The following NIBAN1 variants were observed in gnomAD, a reference collection of about 807,000 sequenced individuals.
NIBAN1 encodes the protein protein Niban 1.
A neutral mutation model predicts 75.1 loss-of-function variants in NIBAN1; 81 were observed. The observed-to-expected ratio is 1.08, with a 90% CI of 0.90 to 1.30. NIBAN1 has a LOEUF of 1.30. Ranked by LOEUF, NIBAN1 falls within the 50% of genes most tolerant of loss-of-function variation. The pLI is 0.00. For synonymous variants in NIBAN1, 436 were observed against 424.8 expected (o/e 1.03, Z -0.32); for missense variants, 1,133 against 1,128.1 (o/e 1.00, Z -0.06).
chr1:184,804,972 T>G (rs903681366), intron 11 of NIBAN1, among the ~76,000 whole-genome samples: 19 of 152,110 alleles, frequency 1.2e-4, no homozygotes, highest in African/African-American at 4.3e-4. Flanking sequence ...GTATTTTTAG[T>G]AGAGACGGGG....
intron 5 of NIBAN1, among the ~76,000 whole-genome samples, chr1:184,875,400 C>T (rs1024842707): frequency 3.9e-5 from 6 of 152,148 alleles, no homozygotes; most frequent in Non-Finnish European, 7.4e-5. Context: ...AAGCTGCAAT[C>T]GTTTGAAGGT....
At chr1:184,867,476 T>G (rs947874810) in intron 5 of NIBAN1, among the ~76,000 whole-genome samples, 1 of 152,158 alleles carries the variant, frequency 6.6e-6, no homozygotes, top group African/African-American at 2.4e-5. Flanking sequence ...TCTGATATCC[T>G]AAAGCCTGGA....
intron 1 of NIBAN1, among the ~76,000 whole-genome samples, chr1:184,930,302 G>T (rs2102030940): frequency 6.6e-6 from 1 of 152,318 alleles, no homozygotes; most frequent in Middle Eastern, 3.4e-3. Context: ...GTACACAGCT[G>T]AGAGAAATGT....
Position 184,871,798 on chromosome 1 carries a change from C to A in NIBAN1, c.601+12835G>T, listed in dbSNP as rs1656115922. Among the ~76,000 whole-genome samples the A allele has an allele frequency of 3.9e-5, 6 of 152,214 alleles. No individual in the cohort carries two copies. The South Asian group carries it at 1.2e-3, about 32-fold the overall frequency. On this transcript the variant is annotated intron_variant, in intron 5 of 13. Transcript: ENST00000367511. Reference sequence around the variant, plus strand: ...CCACCCACATACACACGGTCTTAGCCCATTCTAAGGAAAATTGTCTGTCTC... The same window carrying A: ...CCACCCACATACACACGGTCTTAGCACATTCTAAGGAAAATTGTCTGTCTC...
chr1:184,917,470 A>G (rs1207284506), intron 1 of NIBAN1, among the ~76,000 whole-genome samples: 6 of 150,034 alleles, frequency 4.0e-5, no homozygotes, highest in Non-Finnish European at 7.4e-5. Flanking sequence ...CGGCCTCCCA[A>G]AGTGCTGGGA....
chr1:184,912,356 C>A (rs1657263456), intron 1 of NIBAN1, among the ~76,000 whole-genome samples: 1 of 152,156 alleles, frequency 6.6e-6, no homozygotes, highest in Non-Finnish European at 1.5e-5. Flanking sequence ...ATACAAGTTT[C>A]TCTACTGCGT....
rs142266004 is a variant in NIBAN1, at chr1:184,820,547, G to T, written c.986-1722C>A. ...CAGCTTCCTGAGCTGGGGTCTGCAG[G>T]TGTTTCCTTATGGGCTGGATAAGTT... On this transcript the variant is annotated intron_variant, in intron 8 of 13. Coordinates refer to ENST00000367511, the MANE Select transcript of NIBAN1 (RefSeq NM_052966.4). 2.4e-4 allele frequency among the ~76,000 whole-genome samples: 37 copies of T among 152,332 alleles called. 1 individual carries two copies. The East Asian group carries it at 5.6e-3, about 23-fold the overall frequency.
chr1:184,887,231 G>T (rs866033481), intron 4 of NIBAN1, among the ~76,000 whole-genome samples: 24 of 152,262 alleles, frequency 1.6e-4, no homozygotes, highest in Middle Eastern at 3.4e-3. Context: ...TAACAGAGGA[G>T]AATGCACCAC....
intron 5 of NIBAN1, among the ~76,000 whole-genome samples, chr1:184,881,637 G>A (rs1023689802): frequency 5.9e-5 from 9 of 152,166 alleles, no homozygotes; most frequent in Non-Finnish European, 1.2e-4. Context: ...GCAGCCCAGA[G>A]GGCTGCTGGT....
At chr1:184,833,853 TTTC>T (rs1293735121) in intron 5 of NIBAN1, among the ~76,000 whole-genome samples, 9 of 151,558 alleles carry the variant, frequency 5.9e-5, no homozygotes, top group African/African-American at 9.7e-5. Context: ...TTGAAAATTT[TTTC>T]TTTTTTTTTT....
At chr1:184,966,370 C>T (rs1212470094) in intron 1 of NIBAN1, among the ~76,000 whole-genome samples, 1 of 152,176 alleles carries the variant, frequency 6.6e-6, no homozygotes, top group Non-Finnish European at 1.5e-5. Context: ...AGAAAGGCCA[C>T]CTGGAGAGAA....
intron 1 of NIBAN1, among the ~76,000 whole-genome samples, chr1:184,924,173 C>T (rs552838717): frequency 5.9e-5 from 9 of 151,826 alleles, no homozygotes; most frequent in African/African-American, 1.9e-4. Context: ...GAAAGGATTT[C>T]ATGTGGACCT....
intron 13 of NIBAN1, among the ~76,000 whole-genome samples, chr1:184,797,665 G>T (rs913614694): frequency 5.9e-5 from 9 of 152,088 alleles, no homozygotes; most frequent in African/African-American, 2.2e-4. Context: ...TTGGTGGGTG[G>T]GGGGCAGGGG....
chr1:184,941,289 T>C (rs1658081257), intron 1 of NIBAN1, among the ~76,000 whole-genome samples: 2 of 152,222 alleles, frequency 1.3e-5, no homozygotes. Context: ...TTTGACTTCC[T>C]CTTTTCCTAA....
intron 6 of NIBAN1, 125 bp from the exon 7 acceptor site, chr1:184,823,867 A>G: frequency 1.4e-6 from 1 of 706,920 alleles, no homozygotes; most frequent in Non-Finnish European, 2.4e-6. Context: ...TAGTAGGTTA[A>G]TAGTTTAACC....
At position 184,839,889 on chromosome 1, in the gene NIBAN1, G is replaced by T. The variant is rs892135318; in HGVS notation, c.602-7927C>A. ...TGGGATTATAGGTGTGAGCCACCGAGCCTGGCCTGTTCCATTTAATTTTAA... is the reference window on the plus strand; with the variant it reads ...TGGGATTATAGGTGTGAGCCACCGATCCTGGCCTGTTCCATTTAATTTTAA... On this transcript the variant is annotated intron_variant, in intron 5 of 13. Transcript: ENST00000367511. Among the ~76,000 whole-genome samples, 15 of 152,204 alleles carry T rather than the reference G, an allele frequency of 9.9e-5. 1 individual carries two copies. In the South Asian group the frequency reaches 2.1e-3, roughly 21 times the overall value.
chr1:184,893,992 T>C lies in NIBAN1; in HGVS notation c.318+83A>G, dbSNP rs555476521. ...TGCTGATTTTGTTAGTATAGCCTTG[T>C]AGGAAGGAGAGGGCACACCAATCAA... On this transcript the variant is annotated intron_variant, in intron 3 of 13. Coordinates refer to ENST00000367511, the MANE Select transcript of NIBAN1 (RefSeq NM_052966.4). The C allele has an allele frequency of 8.1e-5, 115 of 1,411,490 alleles. No homozygotes were observed. The East Asian group carries it at 2.7e-3, about 33-fold the overall frequency. 87.4% of individuals were successfully genotyped at this position (1,411,490 alleles called of 1,614,324 possible).
At chr1:184,960,310 T>C (rs1447291310) in intron 1 of NIBAN1, among the ~76,000 whole-genome samples, 1 of 152,216 alleles carries the variant, frequency 6.6e-6, no homozygotes, top group Non-Finnish European at 1.5e-5. Flanking sequence ...TTCTAAAATG[T>C]TGATCACCAG....
At chr1:184,860,457 A>G (rs1655788825) in intron 5 of NIBAN1, among the ~76,000 whole-genome samples, 1 of 152,178 alleles carries the variant, frequency 6.6e-6, no homozygotes, top group Non-Finnish European at 1.5e-5. Context: ...AAATTGTTCT[A>G]TTAGGATAAA....
Sources: allele counts gnomAD v4.1 joint callset (sites outside exome capture counted in the v4.1 genomes callset), GRCh38; gene constraint gnomAD v4.1.1; transcripts MANE v1.5; gene names NCBI Gene and HGNC (gene_info 2026-07-23, HGNC 2026-07-21).